Variants in CCN6 observed in about 807,000 individuals in gnomAD.
The protein encoded by CCN6 is CCN family member 6.
Under a neutral mutation model 37.4 loss-of-function variants are expected in CCN6, and 31 were observed. The ratio of observed to expected loss-of-function variants is 0.83; its 90% CI spans 0.62 to 1.12. The LOEUF (loss-of-function observed/expected upper bound fraction) is 1.12. CCN6 is among the 50% of genes most tolerant of loss of function. CCN6 has a pLI of 0.00. For synonymous variants in CCN6, 137 were observed against 142.1 expected, an observed-to-expected ratio of 0.96 and a Z score of 0.26; for missense variants, 369 against 413.8, an observed-to-expected ratio of 0.89 and a Z score of 0.94.
intron 2 of CCN6, among the ~76,000 whole-genome samples, chr6:112,061,602 G>A (rs587746263): frequency 2.6e-5 from 4 of 152,246 alleles, no homozygotes; most frequent in Non-Finnish European, 5.9e-5. Flanking sequence ...CAAAATGACA[G>A]CTTTTGTTAA....
intron 1 of CCN6, chr6:112,054,676 A>G (rs1409921748): frequency 4.5e-6 from 2 of 441,934 alleles, no homozygotes; most frequent in Non-Finnish European, 8.4e-6. Context: ...ACGCTTTCCT[A>G]TATATTTTTA....
rs1776634350 is a variant in CCN6 at position 112,064,926 on chromosome 6, A to G, written c.518A>G (p.Lys173Arg). The stretch of plus-strand genomic sequence containing the variant: ...TGCTCTGGAGCTAAAGGTGGAAAGA[A>G]GTCTGATCAGTCAAACTGTAGCCTG... ...SHCSGAKGGK[K>R]SDQSNCSLEP... Residue 173 changes from lysine to arginine, a missense_variant, in exon 3 of 5, where the codon AAG (lysine) becomes AGG (arginine). By Grantham distance (26) the Lys-to-Arg change is conservative. Coordinates refer to ENST00000368666, the MANE Select transcript of CCN6 (RefSeq NM_198239.2). 2 of 1,614,086 alleles carry G rather than the reference A, an allele frequency of 1.2e-6. No homozygotes were observed. The highest frequency in any genetic ancestry group is 2.2e-5 in the South Asian group (2 of 91,088).
rs1776769452 is a variant in CCN6 at position 112,068,526 on chromosome 6, A to T, written c.783+128A>T. The T allele has an allele frequency of 6.8e-6, 6 of 880,134 alleles. No homozygotes were observed. In the South Asian group the frequency reaches 1.3e-4, roughly 18 times the overall value. 54.5% of individuals were successfully genotyped at this position (880,134 alleles called of 1,614,324 possible). On this transcript the variant is annotated intron_variant, in intron 4 of 4. Coordinates refer to ENST00000368666, the MANE Select transcript of CCN6 (RefSeq NM_198239.2). ...ATAAAAGCATCTCATTATAATGCTTAAAGTCAAACTATTTCAGAGGAAAAC... is the reference window on the plus strand; with the variant it reads ...ATAAAAGCATCTCATTATAATGCTTTAAGTCAAACTATTTCAGAGGAAAAC...
In CCN6 at chr6:112,061,289, G is replaced by A; in HGVS notation, c.346+1G>A. On this transcript the variant is annotated splice_donor_variant, in intron 2 of 4. Coordinates refer to ENST00000368666, the MANE Select transcript of CCN6 (RefSeq NM_198239.2). LOFTEE classifies it high-confidence loss of function. ...AGGTACGAGACTGGAGTGTGTGCAT[G>A]TAAGTGTCTTCTTCTGGACCTGCTG... is the stretch of plus-strand genomic sequence containing the variant. The A allele has an allele frequency of 1.2e-6, 2 of 1,614,172 alleles. No individual in the cohort carries two copies. The highest frequency in any genetic ancestry group is 1.7e-6 in the Non-Finnish European group (2 of 1,180,020).
chr6:112,064,091 G>A (rs1776607015), intron 2 of CCN6, among the ~76,000 whole-genome samples: 1 of 152,162 alleles, frequency 6.6e-6, no homozygotes, highest in African/African-American at 2.4e-5. Flanking sequence ...TCATGCCAAG[G>A]CACCAGCAGT....
chr6:112,053,976 G>A (rs1161715798), upstream of CCN6: 1 of 408,906 alleles, frequency 2.4e-6, no homozygotes, highest in African/African-American at 2.0e-5. Flanking sequence ...GGCAAGGAAG[G>A]GAATGACGTG....
intron 1 of CCN6, 45 bp from the exon 2 acceptor site, chr6:112,060,946 A>G (rs1554312652): frequency 6.8e-6 from 11 of 1,609,374 alleles, no homozygotes; most frequent in Non-Finnish European, 9.3e-6. Context: ...TTATACTATT[A>G]CATAGAGAAG....
rs200451006 is a variant in CCN6, at chr6:112,067,046, T to C, written c.590-1159T>C. ...TCTACCTTCCAGGTATCTTCACGTT[T>C]CTGCTTCCTCTCCTCAGTTCTATGT... On this transcript the variant is annotated intron_variant, in intron 3 of 4. Transcript: ENST00000368666. The C allele has an allele frequency of 1.1e-3, 1,504 of 1,365,864 alleles. 3 individuals are homozygous for C. The highest frequency in any genetic ancestry group is 2.9e-3 in the Middle Eastern group (14 of 4,762). 84.6% of individuals were successfully genotyped at this position (1,365,864 alleles called of 1,614,324 possible).
chr6:112,063,583 A>G (rs1229069050), intron 2 of CCN6, among the ~76,000 whole-genome samples: 5 of 152,234 alleles, frequency 3.3e-5, no homozygotes, highest in Non-Finnish European at 7.3e-5. Flanking sequence ...GGATAAATAT[A>G]AAGTTTTCAG....
chr6:112,054,633 C>T, intron 1 of CCN6: 1 of 542,226 alleles, frequency 1.8e-6, no homozygotes, highest in East Asian at 3.4e-5. Flanking sequence ...GTAATGGCAC[C>T]GAAGCCTCCT....
At chr6:112,066,853 ATCTCT>A in intron 3 of CCN6, 1 of 780,124 alleles carries the variant, frequency 1.3e-6, no homozygotes, top group Admixed American at 3.3e-5. Context: ...TGTTTAAAAA[ATCTCT>A]TCTAGTTTTC....
chr6:112,054,538 T>G (rs1306137279), intron 1 of CCN6, 133 bp downstream of exon 1: 1 of 806,306 alleles, frequency 1.2e-6, no homozygotes, highest in South Asian at 1.4e-5. Context: ...TCATGAGAAA[T>G]AGGAAGCCAT....
intron 2 of CCN6, among the ~76,000 whole-genome samples, chr6:112,064,491 C>T (rs1776618945): frequency 6.6e-6 from 1 of 152,168 alleles, no homozygotes; most frequent in Non-Finnish European, 1.5e-5. Flanking sequence ...AACCACTATA[C>T]TTATGGTGAT....
intron 3 of CCN6, among the ~76,000 whole-genome samples, 187 bp from the exon 4 acceptor site, chr6:112,068,018 T>C (rs1264522401): frequency 6.6e-6 from 1 of 152,106 alleles, no homozygotes; most frequent in Non-Finnish European, 1.5e-5. Flanking sequence ...AATACTTGAT[T>C]GAAAGTTAAT....
intron 3 of CCN6, among the ~76,000 whole-genome samples, chr6:112,066,265 T>C (rs1213843346): frequency 6.6e-6 from 1 of 152,080 alleles, no homozygotes; most frequent in Admixed American, 6.6e-5. Context: ...GCCATGTCCT[T>C]ATTTTTTTTT....
In CCN6 at chr6:112,061,246, T is replaced by TACTC. The variant is rs1554312806; in HGVS notation, c.306_309dup (p.Val104LeufsTer6). The TACTC allele has an allele frequency of 6.2e-7, 1 of 1,614,110 alleles. No individual in the cohort carries two copies. The highest frequency in any genetic ancestry group is 1.3e-5 in the African/African-American group (1 of 74,940). ...CCCACACAAAGGGCTGTATTGTGAC[T>TACTC]ACTCAGTAGACAGGCCTAGGTACGA... On this transcript the variant is annotated frameshift_variant, in exon 2 of 5. Transcript: ENST00000368666. LOFTEE classifies it high-confidence loss of function.
At position 112,069,359 on chromosome 6, in the gene CCN6, C is replaced by T. The variant is rs199512487; in HGVS notation, c.804C>T (p.Cys268=). ...KTIKIPKGKT[C]QPTFQLSKAE... is the part of the protein sequence containing the mutation. ...TTCAGATTCCCAAAGGAAAAACATG[C>T]CAACCTACTTTCCAACTCTCCAAAG... The change falls in exon 5 of 5, where the codon TGC becomes TGT. Residue 268 remains cysteine (C), a synonymous_variant. Transcript: ENST00000368666. 4.4e-5 allele frequency: 71 copies of T among 1,613,210 alleles called. No individual in the cohort carries two copies. In the Middle Eastern group the frequency reaches 4.9e-4, roughly 11 times the overall value.
At chr6:112,068,179 T>TA in intron 3 of CCN6, 26 bp from the exon 4 acceptor site, 2 of 1,558,270 alleles carry the variant, frequency 1.3e-6, no homozygotes, top group Non-Finnish European at 1.8e-6. Flanking sequence ...TATGTATACA[T>TA]ATGTACTTTT....
At chr6:112,069,185 G>A (rs587673778) in intron 4 of CCN6, among the ~76,000 whole-genome samples, 154 bp from the exon 5 acceptor site, 2 of 152,286 alleles carry the variant, frequency 1.3e-5, no homozygotes, top group African/African-American at 4.8e-5. Context: ...ATAAGAAGGG[G>A]ATCTTAAGGG....
Sources: allele counts gnomAD v4.1 joint callset (sites outside exome capture counted in the v4.1 genomes callset), GRCh38; gene constraint gnomAD v4.1.1; transcripts MANE v1.5; gene names NCBI Gene and HGNC (gene_info 2026-07-23, HGNC 2026-07-21).